The following CYREN variants were observed in gnomAD, a reference collection of about 807,000 sequenced individuals.
The protein encoded by CYREN is cell cycle regulator of non-homologous end joining.
In CYREN, 7 loss-of-function variants were observed where a neutral mutation model predicts 9.7. That is an observed-to-expected ratio of 0.72 (90% confidence interval 0.41 to 1.36). The LOEUF (loss-of-function observed/expected upper bound fraction) is 1.36. Among genes scored for constraint, CYREN ranks in the 40% most tolerant of loss-of-function variants. The pLI is 0.01. For synonymous variants in CYREN, 76 were observed against 77.9 expected (o/e 0.98, Z 0.13); for missense variants, 215 against 198.1 (o/e 1.09, Z -0.51).
At chr7:135,119,783 A>G (rs1212234022) in intron 2 of CYREN, among the ~76,000 whole-genome samples, 1 of 152,176 alleles carries the variant, frequency 6.6e-6, no homozygotes. Context: ...AGGCTGAGGC[A>G]GGAGAATGGC....
At chr7:135,100,821 T>G (rs931841764) in intron 2 of CYREN, among the ~76,000 whole-genome samples, 2 of 152,224 alleles carry the variant, frequency 1.3e-5, no homozygotes, top group Admixed American at 6.5e-5. Context: ...ATGTGAATGC[T>G]ACACCCACCT....
rs186574132 is a variant in CYREN, at chr7:135,129,407, T to C, written n.357-34825A>G. ...AAAGACTTTTGGAACAAAGGTATGATAAGAGGGTGATTCAGAAGGCACTGG... is the reference window on the plus strand; with the variant it reads ...AAAGACTTTTGGAACAAAGGTATGACAAGAGGGTGATTCAGAAGGCACTGG... On this transcript the variant is annotated intron_variant and non_coding_transcript_variant, in intron 2 of 2. Transcript: ENST00000459937. 2.4e-3 allele frequency: 1,918 copies of C among 808,284 alleles called. 7 individuals carry two copies. Among genetic ancestry groups the C allele is most frequent in the Non-Finnish European group, 1.9e-3 (862 of 446,722 alleles). The allele number at this position is 808,284 out of a possible 1,614,324, so 50.1% of individuals were successfully genotyped here.
In CYREN at chr7:135,125,190, C is replaced by T. The variant is rs145688869; in HGVS notation, n.357-30608G>A. ...AGAAAAGAGAGAAAAATCAAATAGACACAATAAAAATGATAAGGGGATATC... is the reference window on the plus strand; with the variant it reads ...AGAAAAGAGAGAAAAATCAAATAGATACAATAAAAATGATAAGGGGATATC... On this transcript the variant is annotated intron_variant and non_coding_transcript_variant, in intron 2 of 2. Transcript: ENST00000459937. Among the ~76,000 whole-genome samples the T allele has an allele frequency of 3.2e-3, 486 of 151,976 alleles. 6 individuals carry two copies. The highest frequency in any genetic ancestry group is 7.5e-3 in the South Asian group (36 of 4,820).
chr7:135,119,248 G>A (rs80279843), intron 2 of CYREN, among the ~76,000 whole-genome samples: 7 of 146,396 alleles, frequency 4.8e-5, no homozygotes, highest in African/African-American at 1.0e-4. Context: ...TTTTTTTTTT[G>A]AGACAAAGTC....
In CYREN at chr7:135,116,923, C is replaced by T. The variant is rs374993488; in HGVS notation, n.357-22341G>A. On this transcript the variant is annotated intron_variant and non_coding_transcript_variant, in intron 2 of 2. Coordinates refer to the CYREN transcript ENST00000459937. ...TGGGCACATTTGTGTTTTCAGATTG[C>T]TGGCTTCTTCAGCTCCAAGTCTTGG... Among the ~76,000 whole-genome samples the T allele has an allele frequency of 4.9e-4, 74 of 152,288 alleles. 1 individual carries two copies. The South Asian group carries it at 0.015, about 30-fold the overall frequency.
intron 2 of CYREN, chr7:135,101,200 T>A: frequency 2.2e-6 from 1 of 456,272 alleles, no homozygotes. Flanking sequence ...GGAAACTGTT[T>A]CAAAGTGACA....
At chr7:135,165,161 G>A (rs1384100212), downstream of CYREN, 14 of 723,184 alleles carry the variant, frequency 1.9e-5, no homozygotes, top group Non-Finnish European at 3.1e-5. Context: ...GGGCAGCAAG[G>A]GCAGCCAGGG....
intron 2 of CYREN, among the ~76,000 whole-genome samples, chr7:135,113,072 C>T (rs770808764): frequency 2.0e-5 from 3 of 152,184 alleles, no homozygotes; most frequent in East Asian, 1.9e-4. Flanking sequence ...CTACCACACC[C>T]GGCCTACATT....
chr7:135,127,165 T>C (rs989616929), intron 2 of CYREN, among the ~76,000 whole-genome samples: 3 of 152,114 alleles, frequency 2.0e-5, no homozygotes, highest in Non-Finnish European at 4.4e-5. Flanking sequence ...CTTAAACATA[T>C]TTACAAGAAA....
Position 135,129,363 on chromosome 7 carries a change from C to A in CYREN, n.357-34781G>T, listed in dbSNP as rs1828407404. ...AATAGACTTACTAAATGAATACCTG[C>A]AAGCAGATAAGGCCAATAAAAGACT... On this transcript the variant is annotated intron_variant and non_coding_transcript_variant, in intron 2 of 2. Transcript: ENST00000459937. 4 of 919,850 alleles carry A rather than the reference C, an allele frequency of 4.3e-6. No homozygotes were observed. In the South Asian group the frequency reaches 5.2e-5, roughly 12 times the overall value. The allele number at this position is 919,850 out of a possible 1,614,324, so 57.0% of individuals were successfully genotyped here.
chr7:135,171,852 G>T (rs117659988), upstream of CYREN, among the ~76,000 whole-genome samples: 15,034 of 152,302 alleles, frequency 0.099, 1,014 homozygotes, highest in Middle Eastern at 0.19. Flanking sequence ...CTCCCGGGTA[G>T]GAAATGGCCC....
intron 2 of CYREN, among the ~76,000 whole-genome samples, chr7:135,110,817 C>T (rs565663144): frequency 2.0e-5 from 3 of 152,186 alleles, no homozygotes; most frequent in Non-Finnish European, 4.4e-5. Flanking sequence ...CCTTAAAACT[C>T]GTTTTGCCTC....
At chr7:135,112,327 T>G (rs1163054214) in intron 2 of CYREN, among the ~76,000 whole-genome samples, 2 of 151,672 alleles carry the variant, frequency 1.3e-5, no homozygotes, top group East Asian at 3.8e-4. Flanking sequence ...AATGTCCCCC[T>G]GTTTCATTCA....
chr7:135,141,635 T>C (rs1354308258), intron 2 of CYREN, among the ~76,000 whole-genome samples: 1 of 152,114 alleles, frequency 6.6e-6, no homozygotes, highest in Non-Finnish European at 1.5e-5. Flanking sequence ...TTCTTCTAGG[T>C]GTGGTGTTAG....
chr7:135,134,984 G>GT (rs1380861024), intron 2 of CYREN: 1 of 1,551,052 alleles, frequency 6.4e-7, no homozygotes, highest in Non-Finnish European at 8.7e-7. Flanking sequence ...TCATTGGAAA[G>GT]TTTATCACCT....
intron 2 of CYREN, chr7:135,147,696 C>A (rs1261735030): frequency 4.5e-6 from 2 of 443,530 alleles, no homozygotes; most frequent in Non-Finnish European, 9.1e-6. Flanking sequence ...AGCTGCTTCC[C>A]AAGGAAATGA....
At chr7:135,135,857 T>C (rs901593878) in intron 2 of CYREN, 3 of 152,274 alleles carry the variant, frequency 2.0e-5, no homozygotes, top group East Asian at 3.9e-4. Flanking sequence ...AAAGCAAAAG[T>C]GTGGCACAAC....
chr7:135,112,305 C>T (rs993893480), intron 2 of CYREN, among the ~76,000 whole-genome samples: 4 of 152,178 alleles, frequency 2.6e-5, no homozygotes, highest in African/African-American at 4.8e-5. Context: ...GATTTTCTTG[C>T]GTAAAATCTT....
At chr7:135,134,823 A>G in intron 2 of CYREN, 1 of 1,544,520 alleles carries the variant, frequency 6.5e-7, no homozygotes, top group Non-Finnish European at 8.8e-7. Flanking sequence ...AAATTCACGT[A>G]TTTCATTTCT....
Sources: gnomAD v4.1 joint callset for allele counts (sites outside exome capture counted in the v4.1 genomes callset) on GRCh38, gnomAD v4.1.1 for gene constraint, MANE v1.5 for transcripts, NCBI Gene and HGNC (gene_info 2026-07-23, HGNC 2026-07-21) for gene names.